TMEM132E: variants seen among roughly 807,000 people sequenced by gnomAD.
The protein encoded by TMEM132E is transmembrane protein 132E.
A neutral mutation model predicts 78.5 loss-of-function variants in TMEM132E; 49 were observed. That is an observed-to-expected ratio of 0.62 (90% confidence interval 0.50 to 0.79). The LOEUF is 0.79. Ranked by LOEUF, TMEM132E falls within the 30% of genes least tolerant of loss-of-function variation. The pLI is 0.00. For synonymous variants in TMEM132E, 715 were observed against 670.6 expected (o/e 1.07, Z -1.02); for missense variants, 1,403 against 1,470.9 (o/e 0.95, Z 0.75).
chr17:34,613,211 A>ACACACACAAGCGCG, intron 1 of TMEM132E, among the ~76,000 whole-genome samples: 1 of 115,856 alleles, frequency 8.6e-6, no homozygotes, highest in Non-Finnish European at 1.8e-5. Flanking sequence ...ACACACACAC[A>ACACACACAAGCGCG]CGCGCGCGCG....
chr17:34,581,355 G>C (rs965663416), intron 1 of TMEM132E, among the ~76,000 whole-genome samples: 11 of 150,880 alleles, frequency 7.3e-5, no homozygotes, highest in Non-Finnish European at 1.0e-4. Context: ...AGAAAAGGGT[G>C]GGGGGAGGGT....
chr17:34,613,152 ACTCTCTCT>A (rs141732934), intron 1 of TMEM132E, among the ~76,000 whole-genome samples: 20 of 97,646 alleles, frequency 2.0e-4, no homozygotes, highest in Admixed American at 5.2e-4. Context: ...TGGCACTCAC[ACTCTCTCT>A]CTCTCTCTCT....
chr17:34,636,341 T>G, intron 8 of TMEM132E, 143 bp downstream of exon 8: 1 of 845,452 alleles, frequency 1.2e-6, no homozygotes, highest in Non-Finnish European at 1.6e-6. Flanking sequence ...CCTGCACAAC[T>G]GCCCACCCTA....
chr17:34,634,721 G>A, intron 6 of TMEM132E, 78 bp from the exon 7 acceptor site: 1 of 1,479,526 alleles, frequency 6.8e-7, no homozygotes, highest in Non-Finnish European at 9.1e-7. Flanking sequence ...GGACCCAACA[G>A]GGCAAGGGTG....
chr17:34,638,256 ACC>A lies in TMEM132E; in HGVS notation c.*34_*35del, dbSNP rs746915644. On this transcript the variant is annotated 3_prime_UTR_variant, in exon 9 of 9. Coordinates refer to ENST00000631683, the MANE Select transcript of TMEM132E (RefSeq NM_001304438.2). ...AGAGGCGCCAGCCGGAGTAGCAGGG[ACC>A]CCCCCCCCCAACGGGGTCAGCTCGG... 133 of 1,234,524 alleles carry A rather than the reference ACC, an allele frequency of 1.1e-4. No homozygotes were observed. Among genetic ancestry groups the A allele is most frequent in the Middle Eastern group, 2.7e-4 (1 of 3,694 alleles). 76.5% of individuals were successfully genotyped at this position (1,234,524 alleles called of 1,614,324 possible). A position where few individuals can be genotyped will look rare whatever the true frequency, so the allele number is the denominator to read the frequency against.
At position 34,629,991 on chromosome 17, in the gene TMEM132E, C is replaced by G. The variant is rs113519753; in HGVS notation, c.1339-17C>G. 2,046 of 1,589,952 alleles carry G rather than the reference C, an allele frequency of 1.3e-3. 27 individuals are homozygous for G. The African/African-American group carries it at 0.023, about 18-fold the overall frequency. ...AAGGGGACCACAAGTAGAGCCCCCC[C>G]CTTCTCCTCCCTGCAGGACACAGAG... On this transcript the variant is annotated splice_polypyrimidine_tract_variant and intron_variant, in intron 4 of 8. Transcript: ENST00000631683.
At chr17:34,619,057 C>G (rs544055254) in intron 1 of TMEM132E, among the ~76,000 whole-genome samples, 9 of 152,344 alleles carry the variant, frequency 5.9e-5, no homozygotes, top group African/African-American at 2.2e-4. Context: ...TTATACCACT[C>G]CTGTGGTCCT....
chr17:34,581,001 T>A lies in TMEM132E; in HGVS notation c.-76T>A, dbSNP rs564923814. The A allele has an allele frequency of 3.0e-5, 39 of 1,315,606 alleles. No individual in the cohort carries two copies. The East Asian group carries it at 8.5e-4, about 29-fold the overall frequency. The allele number at this position is 1,315,606 out of a possible 1,614,324, so 81.5% of individuals were successfully genotyped here. A position where few individuals can be genotyped will look rare whatever the true frequency, so the allele number is the denominator to read the frequency against. On this transcript the variant is annotated 5_prime_UTR_variant, in exon 1 of 9. It removes an upstream start codon present in the reference 5' UTR. Coordinates refer to ENST00000631683, the MANE Select transcript of TMEM132E (RefSeq NM_001304438.2). ...GGCGCCACGGCAGCCCTGAGTTGGA[T>A]GTGACCAAGCCCAGCCTGGGGCCAA...
chr17:34,631,641 C>T (rs1409781972), intron 5 of TMEM132E, among the ~76,000 whole-genome samples: 5 of 152,182 alleles, frequency 3.3e-5, no homozygotes, highest in Non-Finnish European at 4.4e-5. Context: ...ATCCCTCCAC[C>T]CACCCCTCTG....
rs150247925 is a variant in TMEM132E, at chr17:34,619,778, G to A, written c.68-6349G>A. On this transcript the variant is annotated intron_variant, in intron 1 of 8. Transcript: ENST00000631683. Reference sequence around the variant, plus strand: ...CTGGGCCCTTCCGTAGGCATTGTTTGCTGTTGTTTTGTTTGCTCTGGTTGA... The same window carrying A: ...CTGGGCCCTTCCGTAGGCATTGTTTACTGTTGTTTTGTTTGCTCTGGTTGA... Among the ~76,000 whole-genome samples, 497 of 152,336 alleles carry A rather than the reference G, an allele frequency of 3.3e-3. 18 individuals carry two copies. The South Asian group carries it at 0.074, about 23-fold the overall frequency.
In TMEM132E at chr17:34,626,948, C is replaced by G. The variant is rs990374344; in HGVS notation, c.889C>G (p.Arg297Gly). The G allele has an allele frequency of 2.5e-6, 4 of 1,613,834 alleles. No individual in the cohort carries two copies. The highest frequency in any genetic ancestry group is 3.4e-6 in the Non-Finnish European group (4 of 1,180,024). ...CAGGCTGGACAGCAACCTGATGATC[C>G]GCCTGCCAGACCGGCCCCTCAAGCC... ...EHRLDSNLMI[R>G]LPDRPLKPGE... Residue 297 changes from arginine to glycine, a missense_variant, in exon 2 of 9, where the codon CGC becomes GGC. Arg to Gly is a moderately radical substitution (Grantham distance 125). Coordinates refer to ENST00000631683, the MANE Select transcript of TMEM132E (RefSeq NM_001304438.2).
chr17:34,600,606 C>T (rs989533563), intron 1 of TMEM132E, among the ~76,000 whole-genome samples: 7 of 152,108 alleles, frequency 4.6e-5, no homozygotes, highest in South Asian at 4.1e-4. Context: ...AGAACAAGGT[C>T]GGGGTAGGAG....
chr17:34,636,254 G>T, intron 8 of TMEM132E, 56 bp downstream of exon 8: 1 of 1,386,936 alleles, frequency 7.2e-7, no homozygotes, highest in South Asian at 1.8e-5. Flanking sequence ...AGGAGAACTT[G>T]GGGGCTCTGC....
intron 1 of TMEM132E, among the ~76,000 whole-genome samples, chr17:34,601,785 C>CA (rs1906249189): frequency 1.3e-5 from 2 of 152,318 alleles, no homozygotes; most frequent in South Asian, 4.1e-4. Flanking sequence ...CTCCCTTCCC[C>CA]ACCCCAAAAC....
chr17:34,603,648 G>A (rs1185020498), intron 1 of TMEM132E, among the ~76,000 whole-genome samples: 2 of 152,098 alleles, frequency 1.3e-5, no homozygotes, highest in Admixed American at 1.3e-4. Flanking sequence ...TTCCCTGTGT[G>A]GGCTGTGGCA....
Position 34,630,065 on chromosome 17 carries a change from A to G in TMEM132E, c.1396A>G (p.Lys466Glu). 1 of 1,613,658 alleles carries G rather than the reference A, an allele frequency of 6.2e-7. No homozygotes were observed. The highest frequency in any genetic ancestry group is 8.5e-7 in the Non-Finnish European group (1 of 1,179,642). ...LTGRTVAIPV[K>E]VIAIEVNGLV... The stretch of plus-strand genomic sequence containing the variant: ...TGGCCGGACAGTGGCCATCCCTGTC[A>G]AGGTCATTGCCATCGAGGTGAATGG... Residue 466 changes from lysine to glutamate, a missense_variant, in exon 5 of 9, where the codon AAG becomes GAG. By Grantham distance (56) the Lys-to-Glu change is moderately conservative (BLOSUM62 1). This residue lies in a region of TMEM132E where 888 missense variants were observed against 952.8 expected (regional missense o/e 0.93). Coordinates refer to ENST00000631683, the MANE Select transcript of TMEM132E (RefSeq NM_001304438.2).
At chr17:34,582,725 G>A (rs375084470) in intron 1 of TMEM132E, among the ~76,000 whole-genome samples, 56 of 152,250 alleles carry the variant, frequency 3.7e-4, no homozygotes, top group African/African-American at 1.3e-3. Context: ...GCGCACTGGA[G>A]CTGCATGGGC....
chr17:34,618,876 C>T (rs920308618), intron 1 of TMEM132E, among the ~76,000 whole-genome samples: 1 of 152,196 alleles, frequency 6.6e-6, no homozygotes, highest in Admixed American at 6.5e-5. Flanking sequence ...GCAGAAATGA[C>T]CTGCTAGGTC....
At chr17:34,618,225 A>T (rs1004742568) in intron 1 of TMEM132E, among the ~76,000 whole-genome samples, 3 of 152,062 alleles carry the variant, frequency 2.0e-5, no homozygotes, top group African/African-American at 4.8e-5. Context: ...ACATCTATGT[A>T]AATTTTTTTG....
Sources: gnomAD v4.1 joint callset for allele counts (sites outside exome capture counted in the v4.1 genomes callset) on GRCh38, gnomAD v4.1.1 for gene constraint, gnomAD v4.1.1 regional missense constraint, MANE v1.5 for transcripts, NCBI Gene and HGNC (gene_info 2026-07-23, HGNC 2026-07-21) for gene names.